Variants in PTK6 observed in about 807,000 individuals in gnomAD.
PTK6 encodes protein tyrosine kinase 6, also known as protein-tyrosine kinase 6.
PTK6 carries 47 observed loss-of-function variants against 47.5 expected under a neutral mutation model. That is an observed-to-expected ratio of 0.99 (90% CI 0.78 to 1.26). The LOEUF is 1.26. Ranked by LOEUF, PTK6 falls within the 50% of genes most tolerant of loss-of-function variation. The pLI is 0.00. For synonymous variants in PTK6, 287 were observed against 276.5 expected (o/e 1.04, Z -0.38); for missense variants, 618 against 625.3 (o/e 0.99, Z 0.12).
chr20:63,531,753 T>C (rs1370942951), intron 5 of PTK6, among the ~76,000 whole-genome samples: 2 of 152,164 alleles, frequency 1.3e-5, no homozygotes, highest in Non-Finnish European at 2.9e-5. Flanking sequence ...ATGTAGGCAG[T>C]GGGAACTCGA....
At chr20:63,534,469 G>A (rs1298901953) in intron 2 of PTK6, among the ~76,000 whole-genome samples, 154 bp from the exon 3 acceptor site, 16 of 152,264 alleles carry the variant, frequency 1.1e-4, no homozygotes, top group South Asian at 2.1e-4. Flanking sequence ...CCCTCAGAAC[G>A]GCTCCCTCCT....
Position 63,530,380 on chromosome 20 carries a change from A to C in PTK6, c.1015-149T>G. On this transcript the variant is annotated intron_variant, in intron 6 of 7. Coordinates refer to ENST00000542869, the MANE Select transcript of PTK6 (RefSeq NM_005975.4). This position sits in a 1 kb window ranked among gnomAD's most constrained non-coding sequence, Gnocchi z 4.1. ...ACGCACGGCCGCTGCAGCTAAGGCC[A>C]CACTGGGGCCTGACCACCTTCAGGA... 6 of 1,062,506 alleles carry C rather than the reference A, an allele frequency of 5.6e-6. No homozygotes were observed. The highest frequency in any genetic ancestry group is 1.6e-5 in the African/African-American group (1 of 62,934). The allele number at this position is 1,062,506 out of a possible 1,614,324, so 65.8% of individuals were successfully genotyped here.
At position 63,535,026 on chromosome 20, in the gene PTK6, A is replaced by AGCTTCCGAGCGT. The variant is rs1230513589; in HGVS notation, c.263_264insACGCTCGGAAGC (p.Arg85_Ala88dup). 1 of 1,607,570 alleles carries AGCTTCCGAGCGT rather than the reference A, an allele frequency of 6.2e-7. No homozygotes were observed. Among genetic ancestry groups the AGCTTCCGAGCGT allele is most frequent in the Non-Finnish European group, 8.5e-7 (1 of 1,176,310 alleles). ...TGCCCTCGGCCTGCAGCCGACGCAC[A>AGCTTCCGAGCGT]GCTTCCGAGCGGGAGATGCAGCCAA... On this transcript the variant is annotated inframe_insertion, in exon 2 of 8. Transcript: ENST00000542869.
At chr20:63,536,909 C>T (rs925991072) in intron 1 of PTK6, among the ~76,000 whole-genome samples, 176 bp downstream of exon 1, 2 of 152,248 alleles carry the variant, frequency 1.3e-5, no homozygotes, top group Non-Finnish European at 2.9e-5. Flanking sequence ...TGGGCGCCAG[C>T]GCATGGGGCC....
At chr20:63,532,355 CTGTG>C (rs1228637664) in intron 5 of PTK6, among the ~76,000 whole-genome samples, 167 bp downstream of exon 5, 4 of 143,094 alleles carry the variant, frequency 2.8e-5, no homozygotes, top group Non-Finnish European at 4.6e-5. Flanking sequence ...GCATGTGTGT[CTGTG>C]CGTGTGTGTC....
At chr20:63,532,327 CTGTGTGCATGTG>C (rs913147875) in intron 5 of PTK6, among the ~76,000 whole-genome samples, 187 bp downstream of exon 5, 12 of 143,424 alleles carry the variant, frequency 8.4e-5, no homozygotes, top group South Asian at 2.2e-4. Flanking sequence ...ATGTGTATGT[CTGTGTGCATGTG>C]TGTGTGCATG....
Position 63,530,753 on chromosome 20 carries a change from AG to A in PTK6, c.1006del (p.Ile337SerfsTer62), listed in dbSNP as rs763665129. 1 of 1,613,724 alleles carries A rather than the reference AG, an allele frequency of 6.2e-7. No individual in the cohort carries two copies. Among genetic ancestry groups the A allele is most frequent in the South Asian group, 1.1e-5 (1 of 91,050 alleles). ...CKVGDFGLAR[L>X]IKEDVYLSHD... is the part of the protein sequence containing the mutation. ...GCCCTCTGAGGGCCCTACCTTGATA[AG>A]CCTGGCTAACCCGAAGTCCCCAACT... On this transcript the variant is annotated frameshift_variant, in exon 6 of 8. Transcript: ENST00000542869. LOFTEE classifies it high-confidence loss of function. This position sits in a 1 kb window ranked among gnomAD's most constrained non-coding sequence, Gnocchi z 4.1.
Position 63,532,617 on chromosome 20 carries a change from G to A in PTK6, c.741C>T (p.Ile247=). The part of the protein sequence containing the change: ...QAMKKLRHKH[I]LALYAVVSVG... ...CGGACACCACGGCGTACAGCGCCAG[G>A]ATGTGTTTGTGCCGCAGCTTCTTCA... is the stretch of plus-strand genomic sequence containing the variant. Residue 247 remains isoleucine, a synonymous_variant, in exon 5 of 8, where the codon ATC becomes ATT. Coordinates refer to ENST00000542869, the MANE Select transcript of PTK6 (RefSeq NM_005975.4). 1 of 1,614,146 alleles carries A rather than the reference G, an allele frequency of 6.2e-7. No homozygotes were observed. The highest frequency in any genetic ancestry group is 8.5e-7 in the Non-Finnish European group (1 of 1,180,014).
In PTK6 at chr20:63,530,904, C is replaced by T. The variant is rs745905835; in HGVS notation, c.856G>A (p.Val286Ile). The T allele has an allele frequency of 1.1e-5, 17 of 1,611,930 alleles. No homozygotes were observed. The highest frequency in any genetic ancestry group is 1.6e-4 in the Middle Eastern group (1 of 6,070). The change falls in exon 6 of 8, where the codon GTT becomes ATT. Residue 286 changes from valine (V) to isoleucine (I), a missense_variant. Physicochemically the swap from Val to Ile is conservative, Grantham distance 29. Coordinates refer to ENST00000542869, the MANE Select transcript of PTK6 (RefSeq NM_005975.4). This position sits in a 1 kb window ranked among gnomAD's most constrained non-coding sequence, Gnocchi z 4.1. ...CAGGCGATGTCCAGCAGCTCCGAAA[C>T]GGGCAGGACTTTCTCATCAGAGTCT... is the stretch of plus-strand genomic sequence containing the variant. Reference protein sequence around the residue: ...LRDSDEKVLPVSELLDIAWQV... With the variant: ...LRDSDEKVLPISELLDIAWQV...
chr20:63,532,347 ATG>A (rs1417814895), intron 5 of PTK6, among the ~76,000 whole-genome samples, 177 bp downstream of exon 5: 5 of 120,396 alleles, frequency 4.2e-5, no homozygotes, highest in East Asian at 2.3e-4. Flanking sequence ...GTGTGTGTGC[ATG>A]TGTGTCTGTG....
rs772131623 is a variant in PTK6, at chr20:63,535,005, C to T, written c.285G>A (p.Glu95=). 1.9e-6 allele frequency: 3 copies of T among 1,608,802 alleles called. No homozygotes were observed. Among genetic ancestry groups the T allele is most frequent in the African/African-American group, 2.7e-5 (2 of 74,884 alleles). ...TCAGGAAGGCGCCCGTGGCGTTGCC[C>T]TCGGCCTGCAGCCGACGCACAGCTT... The part of the protein sequence containing the change: ...RSEAVRRLQA[E]GNATGAFLIR... The change falls in exon 2 of 8, where the codon GAG becomes GAA. Residue 95 remains glutamate (E), a synonymous_variant. Transcript: ENST00000542869.
At chr20:63,535,105 C>T (rs997193481) in intron 1 of PTK6, 46 bp from the exon 2 acceptor site, 18 of 1,546,572 alleles carry the variant, frequency 1.2e-5, no homozygotes, top group South Asian at 3.6e-5. Context: ...GCCCACCCCA[C>T]GTGGACCCCA....
chr20:63,531,067 T>A (rs577356666), intron 5 of PTK6, 140 bp from the exon 6 acceptor site: 3 of 796,876 alleles, frequency 3.8e-6, no homozygotes, highest in Non-Finnish European at 5.6e-6. Flanking sequence ...GCAGCTGGCC[T>A]GATTGAAAAT....
Position 63,529,492 on chromosome 20 carries a change from G to A in PTK6, c.*44C>T, listed in dbSNP as rs1200338246. ...ATCCCAGGTCCAGGCCCTCTGCCCA[G>A]GCCCCTCCTCAGCAGGGCCCGGCCA... On this transcript the variant is annotated 3_prime_UTR_variant, in exon 8 of 8. Transcript: ENST00000542869. This position sits in a 1 kb window ranked among gnomAD's most constrained non-coding sequence, Gnocchi z 5.6. 7 of 1,500,156 alleles carry A rather than the reference G, an allele frequency of 4.7e-6. No homozygotes were observed. Among genetic ancestry groups the A allele is most frequent in the Non-Finnish European group, 5.3e-6 (6 of 1,124,502 alleles). 92.9% of individuals were successfully genotyped at this position (1,500,156 alleles called of 1,614,324 possible). A position where few individuals can be genotyped will look rare whatever the true frequency, so the allele number is the denominator to read the frequency against.
At position 63,530,058 on chromosome 20, in the gene PTK6, A is replaced by G; in HGVS notation, c.1168+20T>C. Reference sequence around the variant, plus strand: ...CCCACTCTGCCTCTCATGCCCAGTCAGGGACAGTGGGGACAGTACCTGGGT... The same window carrying G: ...CCCACTCTGCCTCTCATGCCCAGTCGGGGACAGTGGGGACAGTACCTGGGT... On this transcript the variant is annotated intron_variant, in intron 7 of 7. Coordinates refer to ENST00000542869, the MANE Select transcript of PTK6 (RefSeq NM_005975.4). The surrounding 1 kb of genome is among the most constrained non-coding windows in gnomAD (Gnocchi z 4.1). 1 of 1,612,768 alleles carries G rather than the reference A, an allele frequency of 6.2e-7. No homozygotes were observed. Among genetic ancestry groups the G allele is most frequent in the Non-Finnish European group, 8.5e-7 (1 of 1,179,512 alleles).
In PTK6 at chr20:63,533,554, G is replaced by A. The variant is rs553979804; in HGVS notation, c.667C>T (p.Arg223Ter). 132 of 1,607,402 alleles carry A rather than the reference G, an allele frequency of 8.2e-5. No individual in the cohort carries two copies. The highest frequency in any genetic ancestry group is 2.0e-4 in the Admixed American group (12 of 59,534). ...RVQVAIKVIS[R>*]DNLLHQQMLQ... The stretch of plus-strand genomic sequence containing the variant: ...GCCCTGATCGGGGCCCACTCACCTC[G>A]AGAAATCACCTTAATGGCCACCTGG... Residue 223 changes from arginine (R) to a stop codon, truncating the protein, a stop_gained, in exon 4 of 8, where the codon CGA (arginine) becomes TGA (stop). Transcript: ENST00000542869. LOFTEE classifies it high-confidence loss of function. This position sits in a 1 kb window ranked among gnomAD's most constrained non-coding sequence, Gnocchi z 4.0.
rs531470290 is a variant in PTK6 at position 63,530,732 on chromosome 20, T to A, written c.1014+14A>T. ...CCCGGCCACGACCCCAGCCACGCCC[T>A]CTGAGGGCCCTACCTTGATAAGCCT... On this transcript the variant is annotated intron_variant, in intron 6 of 7. Transcript: ENST00000542869. This position sits in a 1 kb window ranked among gnomAD's most constrained non-coding sequence, Gnocchi z 4.1. The A allele has an allele frequency of 2.9e-5, 47 of 1,612,484 alleles. No individual in the cohort carries two copies. The highest frequency in any genetic ancestry group is 1.6e-4 in the Middle Eastern group (1 of 6,066).
chr20:63,536,409 G>A (rs1361911134), intron 1 of PTK6, among the ~76,000 whole-genome samples: 13 of 149,316 alleles, frequency 8.7e-5, no homozygotes, highest in Non-Finnish European at 1.6e-4. Context: ...AGCCTCCCCT[G>A]CTTGTTGCTT....
rs1167930511 is a variant in PTK6 at position 63,529,638 on chromosome 20, C to T, written c.1254G>A (p.Lys418=). Residue 418 remains lysine (K), a synonymous_variant, in exon 8 of 8, where the codon AAG becomes AAA. Transcript: ENST00000542869. The surrounding 1 kb of genome is among the most constrained non-coding windows in gnomAD (Gnocchi z 5.6). The part of the protein sequence containing the change: ...CPLECPPSVH[K]LMLTCWCRDP... ...CCCTGCACCAGCATGTCAGCATCAG[C>T]TTGTGCACGCTGGGCGGGCACTCCA... 2.6e-6 allele frequency: 4 copies of T among 1,549,224 alleles called. No individual in the cohort carries two copies. In the Admixed American group the frequency reaches 6.0e-5, roughly 23 times the overall value.
Sources: gnomAD v4.1 joint callset for allele counts (sites outside exome capture counted in the v4.1 genomes callset) on GRCh38, gnomAD v4.1.1 for gene constraint, Gnocchi (gnomAD v3.1) non-coding constraint, MANE v1.5 for transcripts, NCBI Gene and HGNC (gene_info 2026-07-23, HGNC 2026-07-21) for gene names.